C2CD4D: variants seen among roughly 807,000 people sequenced by gnomAD.
C2CD4D encodes the protein C2 calcium-dependent domain-containing protein 4D.
A neutral mutation model predicts 0.2 loss-of-function variants in C2CD4D; 1 was observed. That is an observed-to-expected ratio of 4.00 (90% CI 1.42 to 18.99). The LOEUF is 18.99. C2CD4D is among the 30% of genes most tolerant of loss of function. The probability of loss-of-function intolerance (pLI) is 0.11; values close to 1 mark genes in which losing one functional copy is unlikely to be tolerated. For synonymous variants in C2CD4D, 269 were observed against 279.8 expected (o/e 0.96, Z 0.39); for missense variants, 552 against 551.2 (o/e 1.00, Z -0.01).
At chr1:151,838,299 G>A (rs1466428800) in exon 2 of C2CD4D, 3 of 1,382,484 alleles carry the variant, frequency 2.2e-6, no homozygotes, top group South Asian at 3.4e-5. Flanking sequence ...AGCCGCCCGG[G>A]CCCGGCCTGA....
At chr1:151,838,826 G>GGCGGGATGAAGAACT (rs1233749510) in exon 2 of C2CD4D, 2 of 1,456,930 alleles carry the variant, frequency 1.4e-6, no homozygotes, top group Non-Finnish European at 1.8e-6. Context: ...CGGGAGCCGA[G>GGCGGGATGAAGAACT]GCGGGATGAA....
Position 151,838,415 on chromosome 1 carries a change from G to A in C2CD4D, c.575C>T (p.Pro192Leu), listed in dbSNP as rs368203330. The A allele has an allele frequency of 3.4e-5, 49 of 1,430,852 alleles. No homozygotes were observed. The South Asian group carries it at 3.9e-4, about 11-fold the overall frequency. 88.6% of individuals were successfully genotyped at this position (1,430,852 alleles called of 1,614,324 possible). Residue 192 changes from proline to leucine, a missense_variant, in exon 2 of 2, where the codon CCG (proline) becomes CTG (leucine). By Grantham distance (98) the Pro-to-Leu change is moderately conservative. Transcript: ENST00000454109. ...CAGGAAGTCCAGGTGGAAGAGCGGC[G>A]GCGTGGGCGGCCCGGCGCGGCGCGG...
rs1220488932 is a variant in C2CD4D at position 151,838,450 on chromosome 1, GCTGGTAT to G, written c.533_539del (p.Asp178AlafsTer59). On this transcript the variant is annotated frameshift_variant, in exon 2 of 2. Coordinates refer to ENST00000454109, the Ensembl canonical transcript of C2CD4D. LOFTEE classifies it low-confidence loss of function (END_TRUNC). ...GCCCGGCGCGGCGCGGCGAGTGCGG[GCTGGTAT>G]CGGCCGAGCTCGCTTTTTCTGGGGA... 1 of 1,405,064 alleles carries G rather than the reference GCTGGTAT, an allele frequency of 7.1e-7. No individual in the cohort carries two copies. Among genetic ancestry groups the G allele is most frequent in the Non-Finnish European group, 9.2e-7 (1 of 1,082,564 alleles). 87.0% of individuals were successfully genotyped at this position (1,405,064 alleles called of 1,614,324 possible). A position where few individuals can be genotyped will look rare whatever the true frequency, so the allele number is the denominator to read the frequency against.
rs1175405088 is a variant in C2CD4D at position 151,838,607 on chromosome 1, G to T, written c.383C>A (p.Ser128Tyr). The stretch of plus-strand genomic sequence containing the variant: ...CCGGCAGAGGCGCAGGTCCGGGGCG[G>T]AGACGTGCAGCCGGGACTGCGCCGC... Residue 128 changes from serine to tyrosine, a missense_variant, in exon 2 of 2, where the codon TCC (serine) becomes TAC (tyrosine). Transcript: ENST00000454109. 5 of 1,314,930 alleles carry T rather than the reference G, an allele frequency of 3.8e-6. No individual in the cohort carries two copies. The South Asian group carries it at 6.4e-5, about 17-fold the overall frequency. The allele number at this position is 1,314,930 out of a possible 1,614,324, so 81.5% of individuals were successfully genotyped here. A position where few individuals can be genotyped will look rare whatever the true frequency, so the allele number is the denominator to read the frequency against.
At chr1:151,838,305 C>T (rs1238123987) in exon 2 of C2CD4D, 1 of 1,390,970 alleles carries the variant, frequency 7.2e-7, no homozygotes, top group African/African-American at 1.5e-5. Flanking sequence ...CCGGGCCCGG[C>T]CTGATATTCG....
exon 2 of C2CD4D, chr1:151,838,614 G>T: frequency 7.6e-7 from 1 of 1,316,218 alleles, no homozygotes; most frequent in Non-Finnish European, 9.6e-7. Context: ...GCGGAGACGT[G>T]CAGCCGGGAC....
At chr1:151,838,330 C>T in exon 2 of C2CD4D, 1 of 1,413,388 alleles carries the variant, frequency 7.1e-7, no homozygotes. Context: ...AGAGCCGCAG[C>T]TGCCCGCCGC....
chr1:151,839,377 T>C (rs1652710669), intron 1 of C2CD4D, among the ~76,000 whole-genome samples, 157 bp from the exon 2 acceptor site: 1 of 152,212 alleles, frequency 6.6e-6, no homozygotes. Context: ...CCTAGGGTAC[T>C]ATTAGGACAA....
chr1:151,838,250 G>T, exon 2 of C2CD4D: 1 of 1,327,438 alleles, frequency 7.5e-7, no homozygotes. Context: ...GCGGGACCGC[G>T]GCCGGGGCAG....
Position 151,838,756 on chromosome 1 carries a change from C to T in C2CD4D, c.234G>A (p.Ala78=), listed in dbSNP as rs1254384043. 4 of 1,341,296 alleles carry T rather than the reference C, an allele frequency of 3.0e-6. No homozygotes were observed. The Middle Eastern group carries it at 8.2e-4, about 276-fold the overall frequency. 83.1% of individuals were successfully genotyped at this position (1,341,296 alleles called of 1,614,324 possible). A position where few individuals can be genotyped will look rare whatever the true frequency, so the allele number is the denominator to read the frequency against. Residue 78 remains alanine, a synonymous_variant, in exon 2 of 2, where the codon GCG becomes GCA. Transcript: ENST00000454109. ...CCGCCAGGTGAGGCAGCGAGCAGGT[C>T]GCGGGGAGGCCGCGCCCCGCCACGT...
exon 2 of C2CD4D, chr1:151,839,089 G>T: frequency 7.3e-7 from 1 of 1,363,644 alleles, no homozygotes; most frequent in Non-Finnish European, 1.0e-6. Context: ...TGGGCGAGGA[G>T]CGCAGAGGAG....
chr1:151,838,694 TG>T lies in C2CD4D; in HGVS notation c.295del (p.His99ThrfsTer140). On this transcript the variant is annotated frameshift_variant, in exon 2 of 2. Coordinates refer to ENST00000454109, the Ensembl canonical transcript of C2CD4D. LOFTEE classifies it low-confidence loss of function (END_TRUNC). ...GAACAGGGATTCCCGCCGGCGCGTG[TG>T]CGGGCTCTCGGGCAGGAAGGCCCAG... 7.3e-7 allele frequency: 1 copy of T among 1,374,546 alleles called. No individual in the cohort carries two copies. Among genetic ancestry groups the T allele is most frequent in the Non-Finnish European group, 9.4e-7 (1 of 1,064,976 alleles). The allele number at this position is 1,374,546 out of a possible 1,614,324, so 85.1% of individuals were successfully genotyped here.
chr1:151,839,058 G>C, exon 2 of C2CD4D: 1 of 1,507,096 alleles, frequency 6.6e-7, no homozygotes, highest in Non-Finnish European at 9.0e-7. Flanking sequence ...TCTCAGATGG[G>C]AGTGCTCGGC....
exon 2 of C2CD4D, chr1:151,839,142 C>T (rs1323464074): frequency 8.8e-6 from 7 of 799,592 alleles, no homozygotes; most frequent in African/African-American, 1.9e-5. Flanking sequence ...GGTCAGCCAC[C>T]GCGCCCCGGT....
exon 2 of C2CD4D, chr1:151,838,408 G>A (rs761147412): frequency 7.0e-7 from 1 of 1,435,788 alleles, no homozygotes; most frequent in South Asian, 1.4e-5. Context: ...CCAGGTGGAA[G>A]AGCGGCGGCG....
chr1:151,838,759 G>A (rs1374559939), exon 2 of C2CD4D: 3 of 1,342,502 alleles, frequency 2.2e-6, no homozygotes, highest in Non-Finnish European at 2.9e-6. Context: ...AGCAGGTCGC[G>A]GGGAGGCCGC....
At chr1:151,839,785 C>A (rs1652729225) in intron 1 of C2CD4D, among the ~76,000 whole-genome samples, 1 of 152,346 alleles carries the variant, frequency 6.6e-6, no homozygotes, top group Non-Finnish European at 1.5e-5. Context: ...GACCGTCCAG[C>A]TCCCGCGCCT....
At chr1:151,840,370 C>G (rs919025464) in exon 1 of C2CD4D, 1 of 152,392 alleles carries the variant, frequency 6.6e-6, no homozygotes, top group Non-Finnish European at 1.5e-5. Flanking sequence ...AAGAGGGAGA[C>G]GGCCATCAGT....
At chr1:151,838,602 G>A in exon 2 of C2CD4D, 1 of 1,316,054 alleles carries the variant, frequency 7.6e-7, no homozygotes, top group East Asian at 3.1e-5. Context: ...CGCAGGTCCG[G>A]GGCGGAGACG....
Sources: allele counts gnomAD v4.1 joint callset (sites outside exome capture counted in the v4.1 genomes callset), GRCh38; gene constraint gnomAD v4.1.1; transcripts MANE v1.5; gene names NCBI Gene and HGNC (gene_info 2026-07-23, HGNC 2026-07-21).